Variants in SNX18 observed in about 807,000 individuals in gnomAD.
SNX18 encodes sorting nexin-18.
SNX18 carries 35 observed loss-of-function variants against 48.7 expected under a neutral mutation model. That is an observed-to-expected ratio of 0.72 (90% confidence interval 0.55 to 0.95). SNX18 has a LOEUF of 0.95. SNX18 is among the 40% of genes least tolerant of loss of function. The probability of loss-of-function intolerance (pLI) is 0.00; values close to 1 mark genes in which losing one functional copy is unlikely to be tolerated. For missense variants in SNX18, 824 were observed against 871.0 expected (o/e 0.95, Z 0.68); for synonymous variants, 492 against 384.7 (o/e 1.28, Z -3.26).
At chr5:54,566,695 T>C in the SNX18 span, among the ~76,000 whole-genome samples, 5 of 152,212 alleles carry the variant, frequency 3.3e-5, no homozygotes, top group East Asian at 9.6e-4. Flanking sequence ...AGGCCAGAAG[T>C]GGGAAATTGC....
At chr5:54,600,638 C>G in the SNX18 span, among the ~76,000 whole-genome samples, 2 of 152,136 alleles carry the variant, frequency 1.3e-5, no homozygotes, top group African/African-American at 4.8e-5. Context: ...CCATGGAATA[C>G]TATGCAGCCA....
Position 54,519,533 on chromosome 5 carries a change from G to T in SNX18, c.1581G>T (p.Gly527=), listed in dbSNP as rs750234386. Residue 527 remains glycine, a synonymous_variant, in exon 1 of 2, where the codon GGG becomes GGT. Coordinates refer to ENST00000381410, the MANE Select transcript of SNX18 (RefSeq NM_001102575.2). ...TGGACCTATTAGCGCTGTATCAGGG[G>T]CATCTGGCTAACTTCCCGGACATCA... ...PVMDLLALYQ[G]HLANFPDIIH... is the part of the protein sequence containing the mutation. 1 of 1,614,230 alleles carries T rather than the reference G, an allele frequency of 6.2e-7. No individual in the cohort carries two copies. The highest frequency in any genetic ancestry group is 1.1e-5 in the South Asian group (1 of 91,088).
the SNX18 span, among the ~76,000 whole-genome samples, chr5:54,572,932 C>T: frequency 6.7e-6 from 1 of 150,086 alleles, no homozygotes; most frequent in African/African-American, 2.5e-5. Flanking sequence ...GGCGTTTGAA[C>T]AACAGCGACT....
the SNX18 span, among the ~76,000 whole-genome samples, chr5:54,584,868 C>T: frequency 6.6e-6 from 1 of 152,170 alleles, no homozygotes; most frequent in Non-Finnish European, 1.5e-5. Flanking sequence ...GTGGAAATGC[C>T]TCAGTGTTAT....
At chr5:54,647,046 C>G in the SNX18 span, among the ~76,000 whole-genome samples, 1 of 152,224 alleles carries the variant, frequency 6.6e-6, no homozygotes, top group East Asian at 1.9e-4. Flanking sequence ...ACTTGGCTCA[C>G]TGAACCAGAT....
At chr5:54,578,754 C>A in the SNX18 span, among the ~76,000 whole-genome samples, 5 of 152,122 alleles carry the variant, frequency 3.3e-5, no homozygotes, top group Non-Finnish European at 5.9e-5. Context: ...CGAGATGACC[C>A]CGGATCCTTA....
At chr5:54,588,398 G>T in the SNX18 span, among the ~76,000 whole-genome samples, 6 of 130,118 alleles carry the variant, frequency 4.6e-5, no homozygotes, top group Non-Finnish European at 9.2e-5. Flanking sequence ...CGTGATCTCA[G>T]CTCACTGCAA....
At position 54,519,367 on chromosome 5, in the gene SNX18, G is replaced by A. The variant is rs1341008247; in HGVS notation, c.1415G>A (p.Arg472His). ...TATCAGAAGGTGGGCCAGTCCTTCC[G>A]CGGCCTCAGCCAGGCCTTTGAGCTG... The part of the protein sequence containing the change: ...KEYQKVGQSF[R>H]GLSQAFELDQ... The change falls in exon 1 of 2, where the codon CGC becomes CAC. Residue 472 changes from arginine to histidine, a missense_variant. Arg to His is a conservative substitution (Grantham distance 29). Transcript: ENST00000381410. 2 of 1,613,224 alleles carry A rather than the reference G, an allele frequency of 1.2e-6. No homozygotes were observed. Among genetic ancestry groups the A allele is most frequent in the Admixed American group, 1.7e-5 (1 of 59,990 alleles).
At chr5:54,561,488 C>T in the SNX18 span, among the ~76,000 whole-genome samples, 1 of 151,376 alleles carries the variant, frequency 6.6e-6, no homozygotes, top group Admixed American at 6.6e-5. Context: ...GAGGCACACA[C>T]CGGCACGCCC....
rs1580111701 is a variant in SNX18 at position 54,544,636 on chromosome 5, C to G, written c.*1204C>G. 2.5e-4 allele frequency: 2 copies of G among 8,028 alleles called. No homozygotes were observed. Among genetic ancestry groups the G allele is most frequent in the East Asian group, 2.6e-3 (1 of 390 alleles). 0.5% of individuals were successfully genotyped at this position (8,028 alleles called of 1,614,324 possible). On this transcript the variant is annotated 3_prime_UTR_variant, in exon 2 of 2. Coordinates refer to ENST00000381410, the MANE Select transcript of SNX18 (RefSeq NM_001102575.2). ...TAAAAAAAAAAAAGGTATTGATGAG[C>G]CCCCCCCCCCCAGGACATTTAACCT...
the SNX18 span, among the ~76,000 whole-genome samples, chr5:54,578,572 G>T: frequency 6.6e-6 from 1 of 152,206 alleles, no homozygotes; most frequent in Non-Finnish European, 1.5e-5. Flanking sequence ...AGCTGCCTTT[G>T]TGGGGAGCTG....
At chr5:54,594,419 A>C in the SNX18 span, among the ~76,000 whole-genome samples, 1 of 152,190 alleles carries the variant, frequency 6.6e-6, no homozygotes, top group African/African-American at 2.4e-5. Context: ...TGCTATTCTT[A>C]GAAAGGCCTG....
chr5:54,572,666 G>A, the SNX18 span, among the ~76,000 whole-genome samples: 1 of 138,916 alleles, frequency 7.2e-6, no homozygotes, highest in African/African-American at 2.7e-5. Context: ...TGATGCTTAT[G>A]TTAATTTATT....
At chr5:54,577,889 AG>A in the SNX18 span, among the ~76,000 whole-genome samples, 1 of 152,324 alleles carries the variant, frequency 6.6e-6, no homozygotes, top group Non-Finnish European at 1.5e-5. Flanking sequence ...AAGAATCGGG[AG>A]GGTCCACAGT....
chr5:54,573,368 G>C, the SNX18 span, among the ~76,000 whole-genome samples: 1 of 151,978 alleles, frequency 6.6e-6, no homozygotes, highest in Non-Finnish European at 1.5e-5. Context: ...TTTCTTGCGC[G>C]AGATCCAAGA....
the SNX18 span, among the ~76,000 whole-genome samples, chr5:54,621,365 C>T: frequency 6.6e-6 from 1 of 152,162 alleles, no homozygotes; most frequent in Non-Finnish European, 1.5e-5. Flanking sequence ...CAACTTGTGT[C>T]CCCAAGTCCT....
At chr5:54,552,229 G>A in the SNX18 span, among the ~76,000 whole-genome samples, 887 of 152,298 alleles carry the variant, frequency 5.8e-3, 10 homozygotes, top group African/African-American at 0.02. Context: ...TCACATCTGC[G>A]TCTGCCAAGT....
At chr5:54,553,583 T>C in the SNX18 span, among the ~76,000 whole-genome samples, 1 of 152,262 alleles carries the variant, frequency 6.6e-6, no homozygotes, top group African/African-American at 2.4e-5. Flanking sequence ...TATTAAGTAC[T>C]ATTTTATGAG....
chr5:54,587,091 C>T, the SNX18 span, among the ~76,000 whole-genome samples: 1 of 151,940 alleles, frequency 6.6e-6, no homozygotes, highest in African/African-American at 2.4e-5. Flanking sequence ...ACAGATATTC[C>T]CCTGGGATAT....
Sources: gnomAD v4.1 joint callset for allele counts (sites outside exome capture counted in the v4.1 genomes callset) on GRCh38, gnomAD v4.1.1 for gene constraint, MANE v1.5 for transcripts, NCBI Gene and HGNC (gene_info 2026-07-23, HGNC 2026-07-21) for gene names.